The following LSAMP variants were observed in gnomAD, a reference collection of about 807,000 sequenced individuals.
LSAMP encodes limbic system associated membrane protein.
LSAMP carries 7 observed loss-of-function variants against 38.6 expected under a neutral mutation model. The observed-to-expected ratio is 0.18, with a 90% CI of 0.10 to 0.34. The LOEUF (loss-of-function observed/expected upper bound fraction) is 0.34. Ranked by LOEUF, LSAMP falls within the 10% of genes least tolerant of loss-of-function variation. The pLI, the probability that LSAMP is intolerant of heterozygous loss-of-function variation, is 1.00. For synonymous variants in LSAMP, 154 were observed against 166.8 expected, an observed-to-expected ratio of 0.92 and a Z score of 0.59; for missense variants, 313 against 420.0, an observed-to-expected ratio of 0.75 and a Z score of 2.23.
intron 1 of LSAMP, among the ~76,000 whole-genome samples, chr3:116,263,242 A>G (rs2107660642): frequency 6.6e-6 from 1 of 152,344 alleles, no homozygotes; most frequent in East Asian, 1.9e-4. Context: ...TTAACCTACC[A>G]TAAAAAAGGA....
rs370275130 is a variant in LSAMP at position 116,372,280 on chromosome 3, A to G, written c.155+72597T>C. Among the ~76,000 whole-genome samples, 5 of 152,184 alleles carry G rather than the reference A, an allele frequency of 3.3e-5. No homozygotes were observed. In the South Asian group the frequency reaches 6.2e-4, roughly 19 times the overall value. On this transcript the variant is annotated intron_variant, in intron 1 of 6. Coordinates refer to ENST00000490035, the MANE Select transcript of LSAMP (RefSeq NM_002338.5). ...AATAAAGCTTTGCCTGTATGATTAAATAATTTTCGACAAGGGTACCAAGAC... is the reference window on the plus strand; with the variant it reads ...AATAAAGCTTTGCCTGTATGATTAAGTAATTTTCGACAAGGGTACCAAGAC...
chr3:116,317,337 G>A (rs1366155037), intron 1 of LSAMP, among the ~76,000 whole-genome samples: 1 of 151,796 alleles, frequency 6.6e-6, no homozygotes, highest in Non-Finnish European at 1.5e-5. Flanking sequence ...AATACAAAGA[G>A]AGCCCAATCT....
intron 1 of LSAMP, among the ~76,000 whole-genome samples, chr3:116,278,093 C>A (rs990529666): frequency 6.6e-6 from 1 of 152,168 alleles, no homozygotes; most frequent in African/African-American, 2.4e-5. Flanking sequence ...ACTATTACTA[C>A]AGGTAAAATC....
chr3:116,104,850 A>G (rs910778618), intron 1 of LSAMP, among the ~76,000 whole-genome samples: 1 of 152,214 alleles, frequency 6.6e-6, no homozygotes, highest in African/African-American at 2.4e-5. Flanking sequence ...CTTCTCTGTC[A>G]GATGAAAAGT....
intron 3 of LSAMP, among the ~76,000 whole-genome samples, chr3:115,871,081 T>A (rs1240643045): frequency 6.6e-6 from 1 of 152,126 alleles, no homozygotes; most frequent in African/African-American, 2.4e-5. Flanking sequence ...GAAATTATAT[T>A]TGCAATAGTT....
chr3:116,177,168 C>A (rs559108279), intron 1 of LSAMP, among the ~76,000 whole-genome samples: 19 of 152,258 alleles, frequency 1.2e-4, no homozygotes, highest in Non-Finnish European at 2.1e-4. Flanking sequence ...GTAAGCATTA[C>A]ATACCTAAGG....
intron 1 of LSAMP, among the ~76,000 whole-genome samples, chr3:116,313,275 G>A (rs544531635): frequency 1.3e-5 from 2 of 152,294 alleles, no homozygotes; most frequent in South Asian, 4.1e-4. Context: ...GTGCCCTTCT[G>A]CTGATGAAAC....
At chr3:115,855,334 C>A (rs1446245196) in intron 3 of LSAMP, among the ~76,000 whole-genome samples, 1 of 152,086 alleles carries the variant, frequency 6.6e-6, no homozygotes, top group Non-Finnish European at 1.5e-5. Context: ...TCTTACATAC[C>A]AATATAAGTA....
At chr3:116,403,492 A>G (rs2048864062) in intron 1 of LSAMP, among the ~76,000 whole-genome samples, 1 of 152,188 alleles carries the variant, frequency 6.6e-6, no homozygotes, top group Admixed American at 6.5e-5. Context: ...CATTCTTAAA[A>G]AGAAAAAAAA....
At chr3:115,990,730 C>T (rs1280693451) in intron 3 of LSAMP, among the ~76,000 whole-genome samples, 3 of 152,036 alleles carry the variant, frequency 2.0e-5, no homozygotes, top group Non-Finnish European at 4.4e-5. Context: ...ACGGCCTTGT[C>T]TAATACCTGT....
intron 3 of LSAMP, among the ~76,000 whole-genome samples, chr3:115,919,055 A>G (rs530373313): frequency 2.6e-5 from 4 of 152,318 alleles, no homozygotes; most frequent in Admixed American, 2.6e-4. Flanking sequence ...TTTCTGCTCT[A>G]GAAGAGTTGA....
intron 6 of LSAMP, among the ~76,000 whole-genome samples, chr3:115,841,095 G>C (rs1372484755): frequency 1.3e-5 from 2 of 152,196 alleles, no homozygotes; most frequent in African/African-American, 4.8e-5. Context: ...TTAGAGACTT[G>C]ACTCTAACTT....
At chr3:116,235,278 C>T (rs973237516) in intron 1 of LSAMP, among the ~76,000 whole-genome samples, 1 of 151,966 alleles carries the variant, frequency 6.6e-6, no homozygotes, top group Non-Finnish European at 1.5e-5. Context: ...CTATGCCCAG[C>T]TAATTTTTAA....
chr3:116,074,993 C>T (rs1707705112), intron 2 of LSAMP, among the ~76,000 whole-genome samples: 1 of 151,652 alleles, frequency 6.6e-6, no homozygotes, highest in African/African-American at 2.4e-5. Flanking sequence ...TGTGCCACCA[C>T]CTCTGGCAAA....
At chr3:115,914,775 C>T (rs529514383) in intron 3 of LSAMP, among the ~76,000 whole-genome samples, 1 of 152,290 alleles carries the variant, frequency 6.6e-6, no homozygotes, top group South Asian at 2.1e-4. Flanking sequence ...TCACATAAAA[C>T]CCTACCTGTT....
At chr3:116,089,190 G>A (rs1038964414) in intron 1 of LSAMP, among the ~76,000 whole-genome samples, 1 of 152,158 alleles carries the variant, frequency 6.6e-6, no homozygotes, top group Non-Finnish European at 1.5e-5. Context: ...AAAATTGCCA[G>A]ATGCATAAAA....
rs140913711 is a variant in LSAMP at position 116,369,281 on chromosome 3, A to T, written c.155+75596T>A. On this transcript the variant is annotated intron_variant, in intron 1 of 6. Coordinates refer to ENST00000490035, the MANE Select transcript of LSAMP (RefSeq NM_002338.5). ...CAGACAGATGCAGCAAACAGTTTTA[A>T]TAGAAGGCTGAATGTGATACACATT... Among the ~76,000 whole-genome samples the T allele has an allele frequency of 6.5e-3, 993 of 152,294 alleles. 11 individuals are homozygous for T. The highest frequency in any genetic ancestry group is 9.5e-3 in the Non-Finnish European group (644 of 68,020).
chr3:115,870,714 A>G (rs994229607), intron 3 of LSAMP, among the ~76,000 whole-genome samples: 1 of 152,174 alleles, frequency 6.6e-6, no homozygotes, highest in East Asian at 1.9e-4. Context: ...TGCTGTAAAG[A>G]AAGCTTTAAA....
At chr3:116,021,645 G>A (rs531369623) in intron 2 of LSAMP, among the ~76,000 whole-genome samples, 1 of 152,106 alleles carries the variant, frequency 6.6e-6, no homozygotes, top group Admixed American at 6.5e-5. Context: ...GAATTGCAAC[G>A]CAGGACACAG....
Sources: allele counts gnomAD v4.1 joint callset (sites outside exome capture counted in the v4.1 genomes callset), GRCh38; gene constraint gnomAD v4.1.1; transcripts MANE v1.5; gene names NCBI Gene and HGNC (gene_info 2026-07-23, HGNC 2026-07-21).